Variants in ATP11B observed in about 807,000 individuals in gnomAD.
The protein encoded by ATP11B is ATPase phospholipid transporting 11B (putative), also known as phospholipid-transporting ATPase IF.
A neutral mutation model predicts 157.8 loss-of-function variants in ATP11B; 81 were observed. The observed-to-expected ratio is 0.51, with a 90% CI of 0.43 to 0.62. The LOEUF (loss-of-function observed/expected upper bound fraction) is 0.62. ATP11B is among the 20% of genes least tolerant of loss of function. The pLI, the probability that ATP11B is intolerant of heterozygous loss-of-function variation, is 0.00. For missense variants in ATP11B, 1,165 were observed against 1,402.2 expected, an observed-to-expected ratio of 0.83 and a Z score of 2.70; for synonymous variants, 451 against 469.4, an observed-to-expected ratio of 0.96 and a Z score of 0.51.
intron 1 of ATP11B, among the ~76,000 whole-genome samples, chr3:182,799,281 C>CTT (rs11349038): frequency 2.0e-5 from 3 of 147,336 alleles, no homozygotes; most frequent in African/African-American, 5.1e-5. Flanking sequence ...TTCTTTCTTT[C>CTT]TTTTTTTTTT....
chr3:182,804,436 G>A (rs764003808), intron 1 of ATP11B, among the ~76,000 whole-genome samples: 2 of 151,850 alleles, frequency 1.3e-5, no homozygotes, highest in Non-Finnish European at 2.9e-5. Context: ...TAGCAGAGAC[G>A]GGGTTTCACC....
chr3:182,853,079 A>C (rs1720101665), intron 10 of ATP11B, among the ~76,000 whole-genome samples: 1 of 152,254 alleles, frequency 6.6e-6, no homozygotes, highest in Admixed American at 6.5e-5. Flanking sequence ...CATAAGTACT[A>C]GAAAGCACGA....
intron 17 of ATP11B, among the ~76,000 whole-genome samples, chr3:182,871,135 C>CA (rs899201722): frequency 1.3e-5 from 2 of 151,592 alleles, no homozygotes; most frequent in African/African-American, 4.9e-5. Flanking sequence ...CCCATCTCTA[C>CA]AAAAAAATAA....
intron 12 of ATP11B, among the ~76,000 whole-genome samples, chr3:182,865,191 C>T (rs1027283966): frequency 1.3e-5 from 2 of 152,152 alleles, no homozygotes; most frequent in Non-Finnish European, 2.9e-5. Context: ...ACCAAATTCT[C>T]GTCAATTCTA....
At chr3:182,881,124 G>A (rs1325972327) in intron 21 of ATP11B, 143 bp downstream of exon 21, 1 of 545,326 alleles carries the variant, frequency 1.8e-6, no homozygotes, top group East Asian at 3.3e-5. Flanking sequence ...ATATAGCACA[G>A]TGTGCCCCAT....
chr3:182,823,595 C>T (rs1325586023), intron 2 of ATP11B, among the ~76,000 whole-genome samples: 10 of 152,154 alleles, frequency 6.6e-5, no homozygotes, highest in South Asian at 2.1e-4. Flanking sequence ...CTTGGCAATG[C>T]GGGCTCTTTT....
chr3:182,808,366 TG>T (rs1426208601), intron 1 of ATP11B, among the ~76,000 whole-genome samples: 1 of 152,230 alleles, frequency 6.6e-6, no homozygotes, highest in Non-Finnish European at 1.5e-5. Context: ...TCATACCTTG[TG>T]GATCCAAATC....
chr3:182,798,746 A>G (rs1396127100), intron 1 of ATP11B, among the ~76,000 whole-genome samples: 1 of 152,234 alleles, frequency 6.6e-6, no homozygotes, highest in East Asian at 1.9e-4. Flanking sequence ...TCTACTCTGA[A>G]TTGAGATGTG....
rs769443165 is a variant in ATP11B, at chr3:182,865,441, T to C, written c.1201-15T>C. ...AACACAAAGGTTTATTTTCTTTTGT[T>C]TTCTATCTCTATAGGTAGAGTACGT... On this transcript the variant is annotated splice_polypyrimidine_tract_variant and intron_variant, in intron 12 of 29. Transcript: ENST00000323116. The C allele has an allele frequency of 3.5e-5, 56 of 1,607,442 alleles. No homozygotes were observed. In the South Asian group the frequency reaches 6.0e-4, roughly 17 times the overall value.
chr3:182,802,278 C>T (rs1030800273), intron 1 of ATP11B, among the ~76,000 whole-genome samples: 8 of 152,124 alleles, frequency 5.3e-5, no homozygotes, highest in Admixed American at 4.6e-4. Context: ...TTGTTTCTCC[C>T]CTTCTGTCCT....
In ATP11B at chr3:182,866,849, AT is replaced by A. The variant is rs1204992525; in HGVS notation, c.1619+407del. ...TTTTATAAAAATATGTAAGTAATAA[AT>A]AAAAATTATTATATATAACATATAT... On this transcript the variant is annotated intron_variant, in intron 14 of 29. Coordinates refer to ENST00000323116, the MANE Select transcript of ATP11B (RefSeq NM_014616.3). Among the ~76,000 whole-genome samples, 23 of 99,172 alleles carry A rather than the reference AT, an allele frequency of 2.3e-4. No homozygotes were observed. The South Asian group carries it at 3.8e-3, about 16-fold the overall frequency. 65.1% of individuals were successfully genotyped at this position (99,172 alleles called of 152,430 possible).
At chr3:182,825,124 G>T (rs1240345165) in intron 2 of ATP11B, among the ~76,000 whole-genome samples, 1 of 152,114 alleles carries the variant, frequency 6.6e-6, no homozygotes, top group South Asian at 2.1e-4. Flanking sequence ...AAGCCATGAT[G>T]AGCTTTTCTC....
intron 28 of ATP11B, among the ~76,000 whole-genome samples, chr3:182,904,969 G>A (rs1724240064): frequency 6.7e-6 from 1 of 149,698 alleles, no homozygotes; most frequent in South Asian, 2.1e-4. Flanking sequence ...CTCATTTTGA[G>A]TATTTTCTTT....
At chr3:182,811,585 C>G (rs1270617205) in intron 1 of ATP11B, among the ~76,000 whole-genome samples, 1 of 152,142 alleles carries the variant, frequency 6.6e-6, no homozygotes, top group Non-Finnish European at 1.5e-5. Flanking sequence ...AGGCATACAC[C>G]TCTTAGCTAT....
In ATP11B at chr3:182,869,136, G is replaced by T. The variant is rs1721459073; in HGVS notation, c.1747G>T (p.Val583Phe). The T allele has an allele frequency of 6.2e-7, 1 of 1,611,672 alleles. No individual in the cohort carries two copies. The highest frequency in any genetic ancestry group is 8.5e-7 in the Non-Finnish European group (1 of 1,178,642). ...AGATCGTAGGAGAATGAGTGTAATT[G>T]TTCAGGCACCTTCAGGTAACCAATC... Reference protein sequence around the residue: ...DSDRRRMSVIVQAPSGEKLLF... With the variant: ...DSDRRRMSVIFQAPSGEKLLF... The change falls in exon 16 of 30, where the codon GTT becomes TTT. Residue 583 changes from valine (V) to phenylalanine (F), a missense_variant. Physicochemically the swap from Val to Phe is conservative, Grantham distance 50. Coordinates refer to ENST00000323116, the MANE Select transcript of ATP11B (RefSeq NM_014616.3).
At chr3:182,856,528 G>C in intron 10 of ATP11B, among the ~76,000 whole-genome samples, 1 of 152,172 alleles carries the variant, frequency 6.6e-6, no homozygotes, top group Non-Finnish European at 1.5e-5. Context: ...GACAGATGTA[G>C]ATTTGAATGT....
At chr3:182,871,903 C>T (rs1172851733) in intron 17 of ATP11B, among the ~76,000 whole-genome samples, 1 of 152,060 alleles carries the variant, frequency 6.6e-6, no homozygotes, top group Non-Finnish European at 1.5e-5. Flanking sequence ...GCAAGCTCCA[C>T]CTCCCGGGTT....
chr3:182,845,006 ATT>A (rs375605298), intron 8 of ATP11B, among the ~76,000 whole-genome samples: 1 of 125,842 alleles, frequency 7.9e-6, no homozygotes, highest in Admixed American at 8.0e-5. Flanking sequence ...TTTTTTTTTT[ATT>A]TTTTTTTATT....
intron 21 of ATP11B, among the ~76,000 whole-genome samples, chr3:182,884,346 CAAAT>C (rs1257649717): frequency 6.6e-6 from 1 of 152,028 alleles, no homozygotes; most frequent in East Asian, 1.9e-4. Flanking sequence ...TTGCTAAACT[CAAAT>C]GACTCAATTT....
Sources: allele counts gnomAD v4.1 joint callset (sites outside exome capture counted in the v4.1 genomes callset), GRCh38; gene constraint gnomAD v4.1.1; transcripts MANE v1.5; gene names NCBI Gene and HGNC (gene_info 2026-07-23, HGNC 2026-07-21).